Variants in PDE3B observed in about 807,000 individuals in gnomAD.
The protein encoded by PDE3B is cGMP-inhibited 3',5'-cyclic phosphodiesterase 3B.
A neutral mutation model predicts 116.8 loss-of-function variants in PDE3B; 66 were observed. The ratio of observed to expected loss-of-function variants is 0.56; its 90% confidence interval spans 0.46 to 0.69. The LOEUF (loss-of-function observed/expected upper bound fraction) is 0.69. Among genes scored for constraint, PDE3B ranks in the 30% least tolerant of loss-of-function variants. The pLI is 0.00. For synonymous variants in PDE3B, 595 were observed against 533.6 expected (o/e 1.12, Z -1.59); for missense variants, 1,384 against 1,368.1 (o/e 1.01, Z -0.18).
rs574862385 is a variant in PDE3B, at chr11:14,759,292, T to C, written c.979-12645T>C. Among the ~76,000 whole-genome samples, 12 of 152,262 alleles carry C rather than the reference T, an allele frequency of 7.9e-5. 1 individual carries two copies. Among genetic ancestry groups the C allele is most frequent in the Admixed American group, 7.8e-4 (12 of 15,290 alleles). On this transcript the variant is annotated intron_variant, in intron 1 of 15. Coordinates refer to ENST00000282096, the MANE Select transcript of PDE3B (RefSeq NM_000922.4). ...AATGATGCTGGCCTCATAAAATGAGTTAGGGAGGATTCCCTCTTTTTCTAT... is the reference window on the plus strand; with the variant it reads ...AATGATGCTGGCCTCATAAAATGAGCTAGGGAGGATTCCCTCTTTTTCTAT...
At chr11:14,843,283 A>T (rs182539335) in intron 11 of PDE3B, among the ~76,000 whole-genome samples, 2 of 152,258 alleles carry the variant, frequency 1.3e-5, no homozygotes, top group Non-Finnish European at 2.9e-5. Flanking sequence ...TTATTCCGTT[A>T]TATTATATGG....
At chr11:14,879,520 T>C in the PDE3B span, 1 of 1,232,828 alleles carries the variant, frequency 8.1e-7, no homozygotes, top group Non-Finnish European at 1.1e-6. Context: ...TGGAATAAAA[T>C]AAAGGATAAC....
At chr11:14,660,159 G>T (rs1340709947) in intron 1 of PDE3B, among the ~76,000 whole-genome samples, 1 of 152,182 alleles carries the variant, frequency 6.6e-6, no homozygotes, top group Non-Finnish European at 1.5e-5. Context: ...GACAGAGGAT[G>T]TAGAGTTTAC....
the PDE3B span, chr11:14,891,208 T>C: frequency 1.0e-6 from 1 of 985,332 alleles, no homozygotes; most frequent in Non-Finnish European, 1.2e-6. Flanking sequence ...CCGTGCTGCT[T>C]TCCCCTCCGC....
chr11:14,850,487 A>T (rs1032026493), intron 12 of PDE3B, among the ~76,000 whole-genome samples: 2 of 152,092 alleles, frequency 1.3e-5, no homozygotes, highest in Non-Finnish European at 2.9e-5. Context: ...TTAAAGTATA[A>T]TAATAATAAA....
chr11:14,683,606 C>A (rs1018184237), intron 1 of PDE3B, among the ~76,000 whole-genome samples: 1 of 151,556 alleles, frequency 6.6e-6, no homozygotes, highest in Non-Finnish European at 1.5e-5. Flanking sequence ...ATTTTTAAAT[C>A]TTTTCAAAGA....
chr11:14,668,019 AT>A (rs1854233726), intron 1 of PDE3B, among the ~76,000 whole-genome samples: 1 of 151,850 alleles, frequency 6.6e-6, no homozygotes, highest in African/African-American at 2.4e-5. Context: ...CAAAAGCTTA[AT>A]TAATGCAAGA....
At chr11:14,698,887 G>T (rs1455152128) in intron 1 of PDE3B, 3 of 151,936 alleles carry the variant, frequency 2.0e-5, no homozygotes, top group Non-Finnish European at 2.9e-5. Context: ...CAAAGCCTTT[G>T]CTATACAGTA....
chr11:14,894,854 T>C, the PDE3B span, among the ~76,000 whole-genome samples: 1 of 152,236 alleles, frequency 6.6e-6, no homozygotes, highest in Non-Finnish European at 1.5e-5. Context: ...AATGTTTGTC[T>C]ATGGCTTTTA....
chr11:14,855,626 A>T (rs1230931880), intron 12 of PDE3B, among the ~76,000 whole-genome samples: 1 of 152,158 alleles, frequency 6.6e-6, no homozygotes, highest in Non-Finnish European at 1.5e-5. Flanking sequence ...GAAAATAAAT[A>T]CATAAATAAT....
At chr11:14,697,087 C>T (rs1212972489) in intron 1 of PDE3B, among the ~76,000 whole-genome samples, 2 of 151,920 alleles carry the variant, frequency 1.3e-5, no homozygotes, top group Non-Finnish European at 2.9e-5. Flanking sequence ...CTGTGCATGC[C>T]ACCATGTCCA....
At chr11:14,808,756 C>T (rs1416307851) in intron 5 of PDE3B, among the ~76,000 whole-genome samples, 1 of 151,922 alleles carries the variant, frequency 6.6e-6, no homozygotes, top group Non-Finnish European at 1.5e-5. Context: ...AGTTACAGAA[C>T]GATTTCTGTT....
At chr11:14,734,364 C>A (rs909581148) in intron 1 of PDE3B, among the ~76,000 whole-genome samples, 2 of 152,218 alleles carry the variant, frequency 1.3e-5, no homozygotes, top group African/African-American at 4.8e-5. Context: ...AGCCACTGCA[C>A]CCAGCCAATT....
rs180782651 is a variant in PDE3B, at chr11:14,858,324, G to T, written c.2521-719G>T. Among the ~76,000 whole-genome samples, 712 of 152,100 alleles carry T rather than the reference G, an allele frequency of 4.7e-3. 4 individuals are homozygous for T. Among genetic ancestry groups the T allele is most frequent in the African/African-American group, 0.016 (649 of 41,502 alleles). ...AATAATTTAAAGAATTGCTTAATTTGTAGAGGTGGAAGAGGCTTTAGAAAT... is the reference window on the plus strand; with the variant it reads ...AATAATTTAAAGAATTGCTTAATTTTTAGAGGTGGAAGAGGCTTTAGAAAT... On this transcript the variant is annotated intron_variant, in intron 12 of 15. Coordinates refer to ENST00000282096, the MANE Select transcript of PDE3B (RefSeq NM_000922.4).
At chr11:14,840,191 G>A (rs556076940) in intron 11 of PDE3B, among the ~76,000 whole-genome samples, 4 of 152,286 alleles carry the variant, frequency 2.6e-5, no homozygotes, top group Non-Finnish European at 5.9e-5. Flanking sequence ...CCCCTTTGGA[G>A]TCTCTAGAAG....
At chr11:14,690,640 GC>G (rs1162690051) in intron 1 of PDE3B, among the ~76,000 whole-genome samples, 2 of 148,158 alleles carry the variant, frequency 1.3e-5, no homozygotes, top group East Asian at 3.9e-4. Context: ...TTTAAAGAAG[GC>G]CCCCTAAATT....
At chr11:14,689,886 A>G (rs1172588573) in intron 1 of PDE3B, among the ~76,000 whole-genome samples, 3 of 152,320 alleles carry the variant, frequency 2.0e-5, no homozygotes, top group African/African-American at 7.2e-5. Context: ...CATTTCTTTC[A>G]TTCTGACTTA....
intron 5 of PDE3B, among the ~76,000 whole-genome samples, chr11:14,815,512 C>T (rs1205952962): frequency 2.0e-5 from 3 of 152,072 alleles, no homozygotes; most frequent in Non-Finnish European, 4.4e-5. Flanking sequence ...ACCCACAGTT[C>T]GTAGAGGCTG....
chr11:14,644,111 G>C lies in PDE3B; in HGVS notation c.36G>C (p.Arg12=). The part of the protein sequence containing the change: ...RRDERDAKAM[R]SLQPPDGAGS... ...ACGAGCGAGACGCCAAAGCCATGCG[G>C]TCCCTGCAGCCGCCGGATGGGGCCG... The change falls in exon 1 of 16, where the codon CGG becomes CGC. Residue 12 remains arginine (R), a synonymous_variant. Transcript: ENST00000282096. 1 of 1,575,874 alleles carries C rather than the reference G, an allele frequency of 6.3e-7. No individual in the cohort carries two copies. Among genetic ancestry groups the C allele is most frequent in the Non-Finnish European group, 8.5e-7 (1 of 1,170,290 alleles).
Sources: gnomAD v4.1 joint callset for allele counts (sites outside exome capture counted in the v4.1 genomes callset) on GRCh38, gnomAD v4.1.1 for gene constraint, MANE v1.5 for transcripts, NCBI Gene and HGNC (gene_info 2026-07-23, HGNC 2026-07-21) for gene names.